The following UBE3A variants were observed in gnomAD, a reference collection of about 807,000 sequenced individuals.
UBE3A encodes ubiquitin protein ligase E3A.
A neutral mutation model predicts 83.4 loss-of-function variants in UBE3A; 6 were observed. The observed-to-expected ratio is 0.07, with a 90% confidence interval of 0.04 to 0.14. The LOEUF (loss-of-function observed/expected upper bound fraction) is 0.14. Ranked by LOEUF, UBE3A falls within the 10% of genes least tolerant of loss-of-function variation. The probability of loss-of-function intolerance (pLI) is 1.00; values close to 1 mark genes in which losing one functional copy is unlikely to be tolerated. For missense variants in UBE3A, 456 were observed against 1,036.1 expected, an observed-to-expected ratio of 0.44 and a Z score of 7.69; for synonymous variants, 337 against 355.4, an observed-to-expected ratio of 0.95 and a Z score of 0.58.
chr15:25,384,176 T>C (rs750410961), intron 4 of UBE3A, among the ~76,000 whole-genome samples: 4 of 152,024 alleles, frequency 2.6e-5, no homozygotes, highest in Non-Finnish European at 5.9e-5. Context: ...TTAAACAACA[T>C]AGGCCGGACG....
At chr15:25,344,629 A>G (rs998998080) in intron 11 of UBE3A, among the ~76,000 whole-genome samples, 8 of 152,222 alleles carry the variant, frequency 5.3e-5, no homozygotes, top group African/African-American at 1.9e-4. Context: ...TCAAAAAGGC[A>G]GCAAAAACCA....
chr15:25,339,851 A>C (rs1001436893), intron 12 of UBE3A: 1 of 549,734 alleles, frequency 1.8e-6, no homozygotes, highest in African/African-American at 1.9e-5. Context: ...AATGAATCAC[A>C]CTAATTTGAT....
intron 1 of UBE3A, among the ~76,000 whole-genome samples, chr15:25,414,356 T>C (rs116216388): frequency 0.021 from 3,246 of 152,212 alleles, 118 homozygotes; most frequent in African/African-American, 0.073. Context: ...GAGTGCCTAC[T>C]AGGTGGATGA....
chr15:25,434,434 T>C (rs749240364), intron 1 of UBE3A, among the ~76,000 whole-genome samples: 32 of 152,224 alleles, frequency 2.1e-4, no homozygotes, highest in Non-Finnish European at 4.1e-4. Context: ...ATTATCTTTT[T>C]ACAAAGGACT....
At position 25,336,537 on chromosome 15, in the gene UBE3A, C is replaced by T. The variant is rs1011696417; in HGVS notation, c.*2600G>A. On this transcript the variant is annotated 3_prime_UTR_variant, in exon 13 of 13. Transcript: ENST00000648336. ...GGCAAGTTCTGTTCGAAGCCTTTTT[C>T]AAGTTTCTTTTTGATATGTATCTAT... 1 of 151,268 alleles carries T rather than the reference C, an allele frequency of 6.6e-6. No homozygotes were observed. The highest frequency in any genetic ancestry group is 1.5e-5 in the Non-Finnish European group (1 of 67,924). The allele number at this position is 151,268 out of a possible 1,614,324, so 9.4% of individuals were successfully genotyped here.
intron 11 of UBE3A, among the ~76,000 whole-genome samples, chr15:25,349,329 A>G (rs1388565645): frequency 6.6e-6 from 1 of 152,242 alleles, no homozygotes; most frequent in Non-Finnish European, 1.5e-5. Context: ...AGAAGAAAAC[A>G]TAAGATATTT....
chr15:25,378,825 T>G (rs1233034081), intron 4 of UBE3A, among the ~76,000 whole-genome samples: 2 of 152,194 alleles, frequency 1.3e-5, no homozygotes, highest in Non-Finnish European at 2.9e-5. Flanking sequence ...AACCTCACAT[T>G]TATGCATCTA....
At chr15:25,367,413 T>C (rs1224535807) in intron 6 of UBE3A, among the ~76,000 whole-genome samples, 2 of 151,996 alleles carry the variant, frequency 1.3e-5, no homozygotes, top group Admixed American at 6.6e-5. Flanking sequence ...AGGTGAAGTC[T>C]AAGCTCATGT....
At chr15:25,413,106 C>T (rs1362645062) in intron 1 of UBE3A, 1 of 412,498 alleles carries the variant, frequency 2.4e-6, no homozygotes, top group East Asian at 7.5e-5. Context: ...TATAAAAATA[C>T]AGAATAACAA....
chr15:25,432,346 T>C (rs1345900540), intron 1 of UBE3A, among the ~76,000 whole-genome samples: 7 of 152,208 alleles, frequency 4.6e-5, no homozygotes, highest in African/African-American at 1.2e-4. Context: ...TTGGCTACAG[T>C]ACACAAAGGC....
intron 1 of UBE3A, among the ~76,000 whole-genome samples, chr15:25,434,399 T>C (rs906360381): frequency 1.3e-5 from 2 of 152,156 alleles, no homozygotes; most frequent in African/African-American, 4.8e-5. Flanking sequence ...GAGACCCCCA[T>C]CTCTATAAAA....
chr15:25,361,262 A>G (rs1253203344), intron 6 of UBE3A, among the ~76,000 whole-genome samples: 1 of 151,620 alleles, frequency 6.6e-6, no homozygotes, highest in African/African-American at 2.4e-5. Flanking sequence ...AGTAGCTGGG[A>G]TTACAGGCAG....
chr15:25,358,363 A>G, intron 7 of UBE3A, among the ~76,000 whole-genome samples: 1 of 152,058 alleles, frequency 6.6e-6, no homozygotes, highest in Non-Finnish European at 1.5e-5. Context: ...TGGGCCTCAG[A>G]GCCAGATCCT....
At chr15:25,401,264 C>A (rs1342109605) in intron 4 of UBE3A, among the ~76,000 whole-genome samples, 1 of 152,092 alleles carries the variant, frequency 6.6e-6, no homozygotes, top group African/African-American at 2.4e-5. Flanking sequence ...CTGTAATTTT[C>A]TTTTCCTGGA....
At chr15:25,346,620 C>G (rs1230806252) in intron 11 of UBE3A, 3 of 151,828 alleles carry the variant, frequency 2.0e-5, no homozygotes, top group Non-Finnish European at 4.4e-5. Context: ...ATTTGACAAG[C>G]AATTACAAGT....
At chr15:25,382,013 C>T (rs1325307393) in intron 4 of UBE3A, among the ~76,000 whole-genome samples, 1 of 152,098 alleles carries the variant, frequency 6.6e-6, no homozygotes, top group Admixed American at 6.5e-5. Flanking sequence ...TATAGGTTAA[C>T]CTTCAATTAC....
intron 11 of UBE3A, among the ~76,000 whole-genome samples, chr15:25,348,283 T>C (rs1416689498): frequency 6.6e-6 from 1 of 152,044 alleles, no homozygotes; most frequent in African/African-American, 2.4e-5. Flanking sequence ...AACAATTCAA[T>C]GAAGGAAGAA....
chr15:25,389,485 G>C (rs2083838674), intron 4 of UBE3A, among the ~76,000 whole-genome samples: 1 of 152,092 alleles, frequency 6.6e-6, no homozygotes, highest in South Asian at 2.1e-4. Context: ...TTGTCTACTT[G>C]TTTCTTAAAA....
At chr15:25,342,591 A>C (rs2075025266) in intron 11 of UBE3A, among the ~76,000 whole-genome samples, 1 of 152,098 alleles carries the variant, frequency 6.6e-6, no homozygotes, top group African/African-American at 2.4e-5. Flanking sequence ...TGTATCGATC[A>C]CATCCTACTC....
Sources: gnomAD v4.1 joint callset for allele counts (sites outside exome capture counted in the v4.1 genomes callset) on GRCh38, gnomAD v4.1.1 for gene constraint, MANE v1.5 for transcripts, NCBI Gene and HGNC (gene_info 2026-07-23, HGNC 2026-07-21) for gene names.